ADAM32: variants seen among roughly 807,000 people sequenced by gnomAD.
ADAM32 encodes ADAM metallopeptidase domain 32.
A neutral mutation model predicts 114.9 loss-of-function variants in ADAM32; 89 were observed. The ratio of observed to expected loss-of-function variants is 0.77; its 90% confidence interval spans 0.65 to 0.92. ADAM32 has a LOEUF of 0.92. ADAM32 is among the 40% of genes least tolerant of loss of function. ADAM32 has a pLI of 0.00. For synonymous variants in ADAM32, 285 were observed against 307.5 expected (o/e 0.93, Z 0.77); for missense variants, 870 against 932.8 (o/e 0.93, Z 0.88).
At chr8:39,280,146 G>C (rs375495432) in intron 22 of ADAM32, among the ~76,000 whole-genome samples, 6 of 152,164 alleles carry the variant, frequency 3.9e-5, no homozygotes, top group African/African-American at 1.2e-4. Flanking sequence ...TTGGGAAACT[G>C]CTCCATTGCA....
chr8:39,138,180 T>C (rs965981999), intron 3 of ADAM32, among the ~76,000 whole-genome samples: 21 of 152,276 alleles, frequency 1.4e-4, no homozygotes, highest in Admixed American at 1.3e-3. Context: ...TTTTTAGTTC[T>C]TTTTTTATTA....
intron 11 of ADAM32, among the ~76,000 whole-genome samples, chr8:39,208,966 A>G (rs989107740): frequency 5.3e-5 from 8 of 152,116 alleles, no homozygotes; most frequent in African/African-American, 1.7e-4. Flanking sequence ...ATTTATTTGA[A>G]TAACCTTTCT....
At chr8:39,233,698 G>A (rs1324503026) in intron 15 of ADAM32, among the ~76,000 whole-genome samples, 2 of 152,108 alleles carry the variant, frequency 1.3e-5, no homozygotes, top group African/African-American at 2.4e-5. Flanking sequence ...GCCTCTGATA[G>A]TACCTTTGAA....
intron 10 of ADAM32, 105 bp downstream of exon 10, chr8:39,170,102 T>C: frequency 1.2e-6 from 1 of 864,338 alleles, no homozygotes; most frequent in East Asian, 2.8e-5. Context: ...CATTTACAGA[T>C]TGCATTTTTT....
intron 11 of ADAM32, among the ~76,000 whole-genome samples, chr8:39,192,027 T>G (rs1405539398): frequency 6.6e-6 from 1 of 152,198 alleles, no homozygotes; most frequent in Admixed American, 6.5e-5. Flanking sequence ...GTTTTCTCTT[T>G]TGGTTAGTTG....
rs563831033 is a variant in ADAM32 at position 39,212,541 on chromosome 8, A to C, written c.1233+1217A>C. ...ATTCTGTTACCTTTGCCTGGTCTAG[A>C]AAGTCATATAAATGAAATGAGACAG... On this transcript the variant is annotated intron_variant, in intron 12 of 24. Transcript: ENST00000379907. Among the ~76,000 whole-genome samples, 21 of 152,288 alleles carry C rather than the reference A, an allele frequency of 1.4e-4. No homozygotes were observed. In the South Asian group the frequency reaches 3.5e-3, roughly 26 times the overall value.
chr8:39,238,278 C>G (rs890221955), intron 16 of ADAM32, among the ~76,000 whole-genome samples: 18 of 152,180 alleles, frequency 1.2e-4, no homozygotes, highest in Non-Finnish European at 2.2e-4. Context: ...TCCCAAGTAC[C>G]AACTGAAAGT....
chr8:39,141,888 T>C (rs1314091098), intron 3 of ADAM32, among the ~76,000 whole-genome samples: 3 of 152,174 alleles, frequency 2.0e-5, no homozygotes, highest in African/African-American at 7.2e-5. Context: ...ATTGGGTGCA[T>C]ATATATTTAG....
chr8:39,126,409 T>A (rs1372816783), intron 2 of ADAM32, among the ~76,000 whole-genome samples: 1 of 152,212 alleles, frequency 6.6e-6, no homozygotes, highest in East Asian at 1.9e-4. Context: ...GTTAGCTGCA[T>A]TCCTAGGTAT....
chr8:39,182,308 C>A (rs1258683938), intron 10 of ADAM32, among the ~76,000 whole-genome samples: 3 of 152,082 alleles, frequency 2.0e-5, no homozygotes, highest in Non-Finnish European at 2.9e-5. Context: ...AACAGTAAAG[C>A]TCTGGAAGAT....
intron 12 of ADAM32, among the ~76,000 whole-genome samples, chr8:39,218,706 G>A (rs1393590474): frequency 6.6e-6 from 1 of 152,154 alleles, no homozygotes; most frequent in Non-Finnish European, 1.5e-5. Flanking sequence ...TAGGCCCAGT[G>A]ATTCCTTAGT....
chr8:39,135,627 G>A (rs547114643), intron 2 of ADAM32, among the ~76,000 whole-genome samples: 11 of 152,090 alleles, frequency 7.2e-5, no homozygotes, highest in East Asian at 1.9e-4. Flanking sequence ...ATTTTGTTCC[G>A]GGATCCAATC....
chr8:39,250,896 A>G (rs1811243123), intron 17 of ADAM32, among the ~76,000 whole-genome samples: 1 of 151,926 alleles, frequency 6.6e-6, no homozygotes, highest in African/African-American at 2.4e-5. Flanking sequence ...CCACTTTTTT[A>G]GCTTCCACAT....
intron 1 of ADAM32, among the ~76,000 whole-genome samples, chr8:39,109,149 G>A (rs1421443664): frequency 6.6e-6 from 1 of 152,212 alleles, no homozygotes; most frequent in African/African-American, 2.4e-5. Flanking sequence ...AACAATTTTT[G>A]AGATTCTCAA....
chr8:39,239,676 A>C (rs1810427596), intron 16 of ADAM32, among the ~76,000 whole-genome samples: 1 of 152,220 alleles, frequency 6.6e-6, no homozygotes, highest in Non-Finnish European at 1.5e-5. Flanking sequence ...GCTGTCTTTA[A>C]AAGACTCACC....
chr8:39,257,042 A>G, intron 18 of ADAM32, 145 bp from the exon 19 acceptor site: 1 of 921,432 alleles, frequency 1.1e-6, no homozygotes. Context: ...CCCAAGGATT[A>G]TGATTACAAT....
At chr8:39,146,863 G>T (rs977987717) in intron 3 of ADAM32, among the ~76,000 whole-genome samples, 1 of 152,150 alleles carries the variant, frequency 6.6e-6, no homozygotes, top group African/African-American at 2.4e-5. Context: ...ATATCAGGTT[G>T]ACAGACGTTT....
At chr8:39,187,396 C>T (rs1433115150) in intron 11 of ADAM32, among the ~76,000 whole-genome samples, 2 of 152,128 alleles carry the variant, frequency 1.3e-5, no homozygotes, top group East Asian at 1.9e-4. Flanking sequence ...CTCGGCCTCC[C>T]GAGTAGCTGG....
chr8:39,259,337 T>G (rs1460783751), intron 19 of ADAM32, among the ~76,000 whole-genome samples: 6 of 151,946 alleles, frequency 3.9e-5, no homozygotes, highest in Admixed American at 3.9e-4. Flanking sequence ...GAAGCTGGTA[T>G]TACAGGCGTG....
Sources: gnomAD v4.1 joint callset for allele counts (sites outside exome capture counted in the v4.1 genomes callset) on GRCh38, gnomAD v4.1.1 for gene constraint, MANE v1.5 for transcripts, NCBI Gene and HGNC (gene_info 2026-07-23, HGNC 2026-07-21) for gene names.